PRKN: variants seen among roughly 807,000 people sequenced by gnomAD.
PRKN encodes the protein E3 ubiquitin-protein ligase parkin.
A neutral mutation model predicts 59.5 loss-of-function variants in PRKN; 56 were observed. That is an observed-to-expected ratio of 0.94 (90% confidence interval 0.76 to 1.18). The LOEUF is 1.18. Among genes scored for constraint, PRKN ranks in the 50% most tolerant of loss-of-function variants. The pLI is 0.00. For missense variants in PRKN, 657 were observed against 596.4 expected (o/e 1.10, Z -1.06); for synonymous variants, 250 against 222.1 (o/e 1.13, Z -1.12).
At chr6:161,891,709 T>C (rs1795351165) in intron 6 of PRKN, among the ~76,000 whole-genome samples, 1 of 152,326 alleles carries the variant, frequency 6.6e-6, no homozygotes, top group South Asian at 2.1e-4. Flanking sequence ...GTAAGACAAA[T>C]ACATCTTCAT....
Position 162,450,405 on chromosome 6 carries a change from A to AATGTAAATGCCCCTG in PRKN, c.8-6933_8-6932insCAGGGGCATTTACAT, listed in dbSNP as rs1562774269. Among the ~76,000 whole-genome samples, 631 of 123,692 alleles carry AATGTAAATGCCCCTG rather than the reference A, an allele frequency of 5.1e-3. 7 individuals carry two copies. The highest frequency in any genetic ancestry group is 0.022 in the African/African-American group (589 of 26,840). The allele number at this position is 123,692 out of a possible 152,430, so 81.1% of individuals were successfully genotyped here. A position where few individuals can be genotyped will look rare whatever the true frequency, so the allele number is the denominator to read the frequency against. On this transcript the variant is annotated intron_variant, in intron 1 of 11. Transcript: ENST00000366898. ...TCCCCCTGTGAATGTAAACGCCCCT[A>AATGTAAATGCCCCTG]TGATTGTAACACCCCTGTGATTGTC...
At chr6:162,362,579 TTTC>T (rs1785200568) in intron 2 of PRKN, among the ~76,000 whole-genome samples, 1 of 152,170 alleles carries the variant, frequency 6.6e-6, no homozygotes, top group African/African-American at 2.4e-5. Context: ...CTATTTTATT[TTTC>T]TTCCTTTTAG....
At chr6:161,424,907 T>A (rs1049563739) in intron 9 of PRKN, among the ~76,000 whole-genome samples, 6 of 152,162 alleles carry the variant, frequency 3.9e-5, no homozygotes, top group African/African-American at 1.4e-4. Context: ...TGGGAAGAAC[T>A]TCCTAGTTAA....
At chr6:162,703,496 G>A (rs1469525066) in intron 1 of PRKN, among the ~76,000 whole-genome samples, 1 of 152,194 alleles carries the variant, frequency 6.6e-6, no homozygotes, top group South Asian at 2.1e-4. Flanking sequence ...CAGCAGTAGA[G>A]CTGTGCAGTT....
chr6:161,609,228 C>T (rs183946698), intron 7 of PRKN, among the ~76,000 whole-genome samples: 1 of 152,122 alleles, frequency 6.6e-6, no homozygotes, highest in Non-Finnish European at 1.5e-5. Context: ...ATCTATTTTA[C>T]TTTTAATTTT....
At chr6:162,439,035 T>C (rs1789921716) in intron 2 of PRKN, among the ~76,000 whole-genome samples, 1 of 152,174 alleles carries the variant, frequency 6.6e-6, no homozygotes, top group Non-Finnish European at 1.5e-5. Flanking sequence ...CAACTTCCAG[T>C]TCACTGACTC....
intron 2 of PRKN, among the ~76,000 whole-genome samples, chr6:162,367,977 A>G (rs1785544898): frequency 6.6e-6 from 1 of 152,156 alleles, no homozygotes; most frequent in African/African-American, 2.4e-5. Context: ...GAGGAGTGGC[A>G]TGGAGAAGGG....
rs551279927 is a variant in PRKN at position 162,177,139 on chromosome 6, T to C, written c.534+23992A>G. Among the ~76,000 whole-genome samples the C allele has an allele frequency of 6.6e-5, 10 of 152,130 alleles. No homozygotes were observed. The South Asian group carries it at 2.1e-3, about 32-fold the overall frequency. ...ACATGCACAGGCACTCACACCAAAA[T>C]CTAGAAATATCAGTAACAAATCAAT... is the stretch of plus-strand genomic sequence containing the variant. On this transcript the variant is annotated intron_variant, in intron 4 of 11. Transcript: ENST00000366898.
At chr6:162,354,075 T>C (rs1784740186) in intron 2 of PRKN, among the ~76,000 whole-genome samples, 1 of 152,162 alleles carries the variant, frequency 6.6e-6, no homozygotes, top group Non-Finnish European at 1.5e-5. Flanking sequence ...GAAATGGGTG[T>C]ATTTGTCTAG....
intron 2 of PRKN, among the ~76,000 whole-genome samples, chr6:162,280,693 A>G (rs1045010676): frequency 6.9e-6 from 1 of 144,280 alleles, no homozygotes; most frequent in Non-Finnish European, 1.5e-5. Flanking sequence ...CGGGAGGCTG[A>G]GGGAGGAGAA....
intron 1 of PRKN, among the ~76,000 whole-genome samples, chr6:162,540,254 G>A (rs1341437866): frequency 6.6e-6 from 1 of 151,864 alleles, no homozygotes; most frequent in Non-Finnish European, 1.5e-5. Context: ...TTTTGAGATA[G>A]AGTCTTGCTC....
Position 162,202,365 on chromosome 6 carries a change from C to T in PRKN, c.413-1113G>A, listed in dbSNP as rs148539501. 3.5e-3 allele frequency among the ~76,000 whole-genome samples: 535 copies of T among 152,264 alleles called. 4 individuals are homozygous for T. Among genetic ancestry groups the T allele is most frequent in the African/African-American group, 0.012 (496 of 41,568 alleles). ...AGCTTTTGCAGACATATTGGATTAT[C>T]ATTTGTTTAGCTATCTTTCCTAATA... On this transcript the variant is annotated intron_variant, in intron 3 of 11. Transcript: ENST00000366898.
intron 2 of PRKN, among the ~76,000 whole-genome samples, chr6:162,276,957 T>C (rs1012716350): frequency 6.6e-5 from 10 of 152,052 alleles, no homozygotes; most frequent in African/African-American, 2.4e-4. Flanking sequence ...CAAAAAAGAA[T>C]AGATTGATAA....
chr6:162,081,010 T>C (rs1779034283), intron 4 of PRKN, among the ~76,000 whole-genome samples: 1 of 152,106 alleles, frequency 6.6e-6, no homozygotes, highest in Non-Finnish European at 1.5e-5. Context: ...TCCTCATCCG[T>C]TCATATTTTA....
chr6:162,454,350 G>T (rs1397621180), intron 1 of PRKN, among the ~76,000 whole-genome samples: 4 of 152,254 alleles, frequency 2.6e-5, no homozygotes, highest in Admixed American at 6.5e-5. Flanking sequence ...CTAAAGTGTC[G>T]TTAGTATACT....
intron 7 of PRKN, among the ~76,000 whole-genome samples, chr6:161,777,223 G>A (rs538323294): frequency 1.1e-4 from 16 of 152,176 alleles, no homozygotes; most frequent in African/African-American, 2.9e-4. Context: ...TATAGTAAGC[G>A]CTCATTAATC....
chr6:162,362,450 G>A (rs1047281849), intron 2 of PRKN, among the ~76,000 whole-genome samples: 1 of 151,704 alleles, frequency 6.6e-6, no homozygotes, highest in East Asian at 1.9e-4. Context: ...GGGAGGTGGC[G>A]GACACAAGTT....
chr6:161,565,647 G>A (rs1166716262), intron 8 of PRKN, among the ~76,000 whole-genome samples: 5 of 152,042 alleles, frequency 3.3e-5, no homozygotes, highest in Non-Finnish European at 7.4e-5. Flanking sequence ...GTTTCCTGAG[G>A]CCTCCCCAGT....
intron 2 of PRKN, among the ~76,000 whole-genome samples, chr6:162,309,613 C>T (rs1782388966): frequency 6.8e-6 from 1 of 147,598 alleles, no homozygotes; most frequent in African/African-American, 2.7e-5. Context: ...CAGCAAAAAT[C>T]TTTCTACTTA....
Sources: allele counts gnomAD v4.1 joint callset (sites outside exome capture counted in the v4.1 genomes callset), GRCh38; gene constraint gnomAD v4.1.1; transcripts MANE v1.5; gene names NCBI Gene and HGNC (gene_info 2026-07-23, HGNC 2026-07-21).